The following GNB1 variants were observed in gnomAD, a reference collection of about 807,000 sequenced individuals.
GNB1 encodes the protein guanine nucleotide-binding protein G(I)/G(S)/G(T) subunit beta-1.
In GNB1, 2 loss-of-function variants were observed where a neutral mutation model predicts 42.9. The observed-to-expected ratio is 0.05, with a 90% CI of 0.02 to 0.15. The LOEUF (loss-of-function observed/expected upper bound fraction) is 0.15. Among genes scored for constraint, GNB1 ranks in the 10% least tolerant of loss-of-function variants. The pLI is 1.00. For missense variants in GNB1, 193 were observed against 462.2 expected, an observed-to-expected ratio of 0.42 and a Z score of 5.34; for synonymous variants, 183 against 174.7, an observed-to-expected ratio of 1.05 and a Z score of -0.38.
chr1:1,806,174 C>T (rs942688992), intron 6 of GNB1, among the ~76,000 whole-genome samples: 1 of 152,084 alleles, frequency 6.6e-6, no homozygotes, highest in Non-Finnish European at 1.5e-5. Flanking sequence ...ATGAAACTTC[C>T]CAGACTCTGC....
At chr1:1,860,405 G>A (rs1461041529) in intron 1 of GNB1, among the ~76,000 whole-genome samples, 1 of 151,904 alleles carries the variant, frequency 6.6e-6, no homozygotes, top group East Asian at 1.9e-4. Context: ...AAATAAACCT[G>A]CACATGCAAC....
intron 5 of GNB1, among the ~76,000 whole-genome samples, chr1:1,807,319 C>G (rs552756253): frequency 1.3e-5 from 2 of 151,582 alleles, no homozygotes; most frequent in South Asian, 2.1e-4. Flanking sequence ...AAAAAAATAG[C>G]TGGGTATGGT....
At chr1:1,799,650 C>T (rs1006906032) in intron 7 of GNB1, among the ~76,000 whole-genome samples, 2 of 152,166 alleles carry the variant, frequency 1.3e-5, no homozygotes, top group South Asian at 2.1e-4. Flanking sequence ...AACTACAAAA[C>T]GAAACACCTG....
intron 2 of GNB1, among the ~76,000 whole-genome samples, chr1:1,830,410 C>T (rs1280227998): frequency 2.0e-5 from 3 of 151,810 alleles, no homozygotes; most frequent in Admixed American, 6.6e-5. Flanking sequence ...TACAGGCGCC[C>T]GCCACCACGC....
At chr1:1,803,345 G>T (rs1646651232) in intron 7 of GNB1, among the ~76,000 whole-genome samples, 1 of 152,222 alleles carries the variant, frequency 6.6e-6, no homozygotes, top group Admixed American at 6.5e-5. Flanking sequence ...CGCCCAGCCT[G>T]GAGTGCAGTG....
At chr1:1,803,917 G>A (rs1646659159) in intron 7 of GNB1, among the ~76,000 whole-genome samples, 1 of 147,870 alleles carries the variant, frequency 6.8e-6, no homozygotes, top group Admixed American at 6.9e-5. Context: ...AGGAATCAGA[G>A]GTTGCAGTGA....
At chr1:1,879,606 G>A (rs1050598057) in intron 1 of GNB1, among the ~76,000 whole-genome samples, 7 of 151,806 alleles carry the variant, frequency 4.6e-5, no homozygotes, top group Non-Finnish European at 1.0e-4. Context: ...TCGGGAGGCT[G>A]AGGCAGGAGA....
chr1:1,865,188 G>A (rs1648858384), intron 1 of GNB1, among the ~76,000 whole-genome samples: 1 of 150,692 alleles, frequency 6.6e-6, no homozygotes, highest in Non-Finnish European at 1.5e-5. Flanking sequence ...CATGAACCCG[G>A]GAGGCAGAGG....
At position 1,825,814 on chromosome 1, in the gene GNB1, G is replaced by A. The variant is rs1377426745; in HGVS notation, c.-46-315C>T. On this transcript the variant is annotated intron_variant, in intron 2 of 11. Coordinates refer to ENST00000378609, the MANE Select transcript of GNB1 (RefSeq NM_002074.5). ...TGGGAGGCAGAGCTTGCAGTGAGCCGAGATGGCGCCAGTGCACTCCAGCCC... is the reference window on the plus strand; with the variant it reads ...TGGGAGGCAGAGCTTGCAGTGAGCCAAGATGGCGCCAGTGCACTCCAGCCC... Among the ~76,000 whole-genome samples, 7 of 151,046 alleles carry A rather than the reference G, an allele frequency of 4.6e-5. No individual in the cohort carries two copies. In the East Asian group the frequency reaches 1.4e-3, roughly 30 times the overall value.
At chr1:1,850,115 G>A (rs1035861102) in intron 1 of GNB1, among the ~76,000 whole-genome samples, 8 of 151,362 alleles carry the variant, frequency 5.3e-5, no homozygotes, top group Non-Finnish European at 8.8e-5. Context: ...ACAGGTGCCC[G>A]CCACCACACC....
chr1:1,833,935 C>T (rs1174807277), intron 2 of GNB1, among the ~76,000 whole-genome samples: 2 of 152,102 alleles, frequency 1.3e-5, no homozygotes, highest in African/African-American at 4.8e-5. Context: ...TGTTCAATGA[C>T]CCCACAGAGG....
intron 1 of GNB1, among the ~76,000 whole-genome samples, chr1:1,851,630 G>A (rs978880232): frequency 6.6e-6 from 1 of 152,136 alleles, no homozygotes; most frequent in Non-Finnish European, 1.5e-5. Context: ...ACACCTAGAG[G>A]AGGACAGAAC....
intron 1 of GNB1, among the ~76,000 whole-genome samples, chr1:1,843,765 T>C (rs929791250): frequency 1.3e-5 from 2 of 152,100 alleles, no homozygotes; most frequent in Non-Finnish European, 2.9e-5. Context: ...CCTAAACCAG[T>C]AGCACTACCC....
rs67155402 is a variant in GNB1, at chr1:1,877,298, C to CA, written c.-96+13521dup. 4.0e-3 allele frequency among the ~76,000 whole-genome samples: 496 copies of CA among 124,716 alleles called. 3 individuals are homozygous for CA. Among genetic ancestry groups the CA allele is most frequent in the South Asian group, 0.02 (74 of 3,748 alleles). 81.8% of individuals were successfully genotyped at this position (124,716 alleles called of 152,430 possible). On this transcript the variant is annotated intron_variant, in intron 1 of 11. Transcript: ENST00000378609. ...CTGGGCAATAAGTGAGACTCTGTCT[C>CA]AAAAAAAAAAAAAAAAAAATATATA...
chr1:1,873,112 C>G (rs192313916), intron 1 of GNB1, among the ~76,000 whole-genome samples: 8 of 151,794 alleles, frequency 5.3e-5, no homozygotes, highest in African/African-American at 1.5e-4. Context: ...GTTGTCCAGG[C>G]TGGTTTCAAA....
At position 1,787,997 on chromosome 1, in the gene GNB1, C is replaced by T. The variant is rs1001807461; in HGVS notation, c.917-560G>A. ...TGAGCCAAGATCGTGCCAGTGCTCT[C>T]CAGCCTGGGCGACAGAGCGAGACTC... is the stretch of plus-strand genomic sequence containing the variant. On this transcript the variant is annotated intron_variant, in intron 10 of 11. Coordinates refer to ENST00000378609, the MANE Select transcript of GNB1 (RefSeq NM_002074.5). This position sits in a 1 kb window ranked among gnomAD's most constrained non-coding sequence, Gnocchi z 4.4. 1 of 151,300 alleles carries T rather than the reference C, an allele frequency of 6.6e-6. No homozygotes were observed. The highest frequency in any genetic ancestry group is 2.4e-5 in the African/African-American group (1 of 41,002). The allele number at this position is 151,300 out of a possible 1,614,324, so 9.4% of individuals were successfully genotyped here. A position where few individuals can be genotyped will look rare whatever the true frequency, so the allele number is the denominator to read the frequency against.
chr1:1,866,797 AC>A (rs1189391331), intron 1 of GNB1, among the ~76,000 whole-genome samples: 3 of 151,876 alleles, frequency 2.0e-5, no homozygotes, highest in African/African-American at 7.3e-5. Flanking sequence ...TACTAAAAAT[AC>A]AAAAAATTAG....
intron 2 of GNB1, among the ~76,000 whole-genome samples, chr1:1,833,548 T>C (rs935026670): frequency 2.0e-5 from 3 of 152,128 alleles, no homozygotes; most frequent in Admixed American, 6.5e-5. Flanking sequence ...ACAGGCACTG[T>C]AGAGCCTCAG....
At chr1:1,798,700 C>G (rs917986141) in intron 7 of GNB1, among the ~76,000 whole-genome samples, 1 of 152,166 alleles carries the variant, frequency 6.6e-6, no homozygotes, top group Non-Finnish European at 1.5e-5. Context: ...GATCAGAGGG[C>G]TGGAAATAAG....
Sources: gnomAD v4.1 joint callset for allele counts (sites outside exome capture counted in the v4.1 genomes callset) on GRCh38, gnomAD v4.1.1 for gene constraint, Gnocchi (gnomAD v3.1) non-coding constraint, MANE v1.5 for transcripts, NCBI Gene and HGNC (gene_info 2026-07-23, HGNC 2026-07-21) for gene names.